The following LRP2 variants were observed in gnomAD, a reference collection of about 807,000 sequenced individuals.
The protein encoded by LRP2 is LDL receptor related protein 2, also known as low-density lipoprotein receptor-related protein 2.
In LRP2, 172 loss-of-function variants were observed where a neutral mutation model predicts 531.0. The ratio of observed to expected loss-of-function variants is 0.32; its 90% CI spans 0.29 to 0.37. LRP2 has a LOEUF of 0.37. Ranked by LOEUF, LRP2 falls within the 10% of genes least tolerant of loss-of-function variation. LRP2 has a pLI of 1.00. For missense variants in LRP2, 5,167 were observed against 5,868.3 expected, an observed-to-expected ratio of 0.88 and a Z score of 3.90; for synonymous variants, 1,992 against 2,027.6, an observed-to-expected ratio of 0.98 and a Z score of 0.47.
rs138282170 is a variant in LRP2 at position 169,241,857 on chromosome 2, G to A, written c.3668-492C>T. Among the ~76,000 whole-genome samples the A allele has an allele frequency of 8.9e-4, 135 of 152,268 alleles. 1 individual carries two copies. Among genetic ancestry groups the A allele is most frequent in the Admixed American group, 2.2e-3 (34 of 15,284 alleles). On this transcript the variant is annotated intron_variant, in intron 24 of 78. Transcript: ENST00000649046. Reference sequence around the variant, plus strand: ...CCATCACACACTAACTAAAGATGATGGTAAATACTCAGTTCTTTGCAAACT... The same window carrying A: ...CCATCACACACTAACTAAAGATGATAGTAAATACTCAGTTCTTTGCAAACT...
intron 1 of LRP2, among the ~76,000 whole-genome samples, chr2:169,357,110 T>C (rs1240096103): frequency 1.3e-5 from 2 of 152,044 alleles, no homozygotes; most frequent in African/African-American, 4.8e-5. Flanking sequence ...AACCATTTGA[T>C]TTATACCAAA....
chr2:169,265,284 A>C (rs1690754376), intron 16 of LRP2, among the ~76,000 whole-genome samples: 1 of 152,032 alleles, frequency 6.6e-6, no homozygotes, highest in Non-Finnish European at 1.5e-5. Flanking sequence ...AGACTCACTA[A>C]TGTTGCCTTG....
In LRP2 at chr2:169,209,550, G is replaced by T. The variant is rs1420998646; in HGVS notation, c.6372C>A (p.Ile2124=). 4 of 1,613,984 alleles carry T rather than the reference G, an allele frequency of 2.5e-6. No homozygotes were observed. The highest frequency in any genetic ancestry group is 3.4e-6 in the Non-Finnish European group (4 of 1,179,956). ...AAGATCCATCTGGTTTAATTCTACG[G>T]ATCGCATTATCAGATGCCACTGAGC... ...FSSSVASDNA[I]RRIKPDGSSL... is the part of the protein sequence containing the mutation. Residue 2124 remains isoleucine, a synonymous_variant, in exon 38 of 79, where the codon ATC becomes ATA. Transcript: ENST00000649046.
chr2:169,264,516 T>C (rs76172505), intron 16 of LRP2, among the ~76,000 whole-genome samples: 2,201 of 152,100 alleles, frequency 0.014, 45 homozygotes, highest in African/African-American at 0.05. Flanking sequence ...AAATAGCAGA[T>C]TGACAAACCA....
Position 169,221,279 on chromosome 2 carries a change from T to C in LRP2, c.5539-716A>G, listed in dbSNP as rs114661576. 2.8e-3 allele frequency among the ~76,000 whole-genome samples: 422 copies of C among 152,308 alleles called. 2 individuals are homozygous for C. Among genetic ancestry groups the C allele is most frequent in the African/African-American group, 9.7e-3 (404 of 41,566 alleles). The stretch of plus-strand genomic sequence containing the variant: ...GTCCATCTGTTGGTCACTTACTATA[T>C]ATGAGGTATTAGAGCAAGCATTATT... On this transcript the variant is annotated intron_variant, in intron 33 of 78. Coordinates refer to ENST00000649046, the MANE Select transcript of LRP2 (RefSeq NM_004525.3).
chr2:169,279,646 G>A (rs1047680193), intron 11 of LRP2, 51 bp from the exon 12 acceptor site: 1 of 1,156,850 alleles, frequency 8.6e-7, no homozygotes, highest in South Asian at 1.3e-5. Context: ...CTAACTACGT[G>A]GTTTGTTTTG....
intron 46 of LRP2, among the ~76,000 whole-genome samples, chr2:169,194,562 G>T (rs72876205): frequency 0.024 from 3,690 of 152,194 alleles, 57 homozygotes; most frequent in Middle Eastern, 0.048. Flanking sequence ...ACTAATGAAG[G>T]TGTCATAGGC....
intron 48 of LRP2, among the ~76,000 whole-genome samples, chr2:169,188,674 G>T (rs554263227): frequency 6.6e-6 from 1 of 152,036 alleles, no homozygotes; most frequent in Non-Finnish European, 1.5e-5. Flanking sequence ...ATGAACAGTG[G>T]CACTATCTAT....
chr2:169,340,315 C>T (rs918661528), intron 1 of LRP2, among the ~76,000 whole-genome samples: 2 of 152,078 alleles, frequency 1.3e-5, no homozygotes, highest in African/African-American at 4.8e-5. Flanking sequence ...AGAAGATGTG[C>T]AGTGTCACCC....
chr2:169,153,022 C>G, intron 66 of LRP2, 58 bp from the exon 67 acceptor site: 1 of 1,525,970 alleles, frequency 6.6e-7, no homozygotes. Context: ...AAAGGAAGAA[C>G]AGGGGTCTAA....
intron 4 of LRP2, among the ~76,000 whole-genome samples, chr2:169,298,952 A>G (rs74905202): frequency 2.6e-5 from 4 of 151,960 alleles, no homozygotes; most frequent in East Asian, 3.9e-4. Context: ...ATATACAAGG[A>G]AAAAAACAGA....
At chr2:169,329,547 G>A (rs1436894621) in intron 1 of LRP2, among the ~76,000 whole-genome samples, 1 of 152,162 alleles carries the variant, frequency 6.6e-6, no homozygotes, top group Non-Finnish European at 1.5e-5. Flanking sequence ...GAGTATGAGG[G>A]TGATTACTCA....
chr2:169,343,180 A>G (rs1480800085), intron 1 of LRP2, among the ~76,000 whole-genome samples: 9 of 152,182 alleles, frequency 5.9e-5, no homozygotes, highest in Non-Finnish European at 1.3e-4. Context: ...CCTAAAATGG[A>G]AACACCAGGT....
intron 3 of LRP2, among the ~76,000 whole-genome samples, chr2:169,311,815 T>A (rs1305229453): frequency 6.6e-6 from 1 of 152,096 alleles, no homozygotes; most frequent in Non-Finnish European, 1.5e-5. Flanking sequence ...AAGTCTCCCA[T>A]TATTATTGTG....
intron 62 of LRP2, among the ~76,000 whole-genome samples, chr2:169,165,669 G>A (rs1288137689): frequency 1.3e-5 from 2 of 152,242 alleles, no homozygotes; most frequent in East Asian, 3.8e-4. Flanking sequence ...AAGAGGAGGG[G>A]AAGGCTTATT....
intron 4 of LRP2, among the ~76,000 whole-genome samples, chr2:169,299,155 GAAAAAAAGAAAGAAAGAA>G (rs1352592521): frequency 0.24 from 5,504 of 23,268 alleles, 653 homozygotes; most frequent in East Asian, 0.36. Flanking sequence ...AAGAAAGAAA[GAAAAAAAGAAAGAAAGAA>G]AAAGAAAGAA....
At chr2:169,290,537 G>C (rs1278659582) in intron 8 of LRP2, among the ~76,000 whole-genome samples, 2 of 152,008 alleles carry the variant, frequency 1.3e-5, no homozygotes, top group Admixed American at 6.6e-5. Context: ...AGCAAACTTG[G>C]CATAAGTAGA....
chr2:169,297,980 C>G (rs934588632), intron 4 of LRP2, among the ~76,000 whole-genome samples: 4 of 152,002 alleles, frequency 2.6e-5, no homozygotes, highest in Non-Finnish European at 4.4e-5. Flanking sequence ...GAAACACACA[C>G]ACACACACAC....
intron 65 of LRP2, among the ~76,000 whole-genome samples, chr2:169,155,297 T>C (rs1178952485): frequency 6.6e-6 from 1 of 152,218 alleles, no homozygotes; most frequent in Non-Finnish European, 1.5e-5. Flanking sequence ...ATGTTTTATA[T>C]GAATATTCCA....
Sources: gnomAD v4.1 joint callset for allele counts (sites outside exome capture counted in the v4.1 genomes callset) on GRCh38, gnomAD v4.1.1 for gene constraint, MANE v1.5 for transcripts, NCBI Gene and HGNC (gene_info 2026-07-23, HGNC 2026-07-21) for gene names.